The following GNG4 variants were observed in gnomAD, a reference collection of about 807,000 sequenced individuals.
The protein encoded by GNG4 is G protein subunit gamma 4, also known as guanine nucleotide-binding protein G(I)/G(S)/G(O) subunit gamma-4.
GNG4 carries 4 observed loss-of-function variants against 5.8 expected under a neutral mutation model. That is an observed-to-expected ratio of 0.69 (90% CI 0.34 to 1.57). GNG4 has a LOEUF of 1.57. Among genes scored for constraint, GNG4 ranks in the 40% most tolerant of loss-of-function variants. GNG4 has a pLI of 0.06. For missense variants in GNG4, 96 were observed against 95.1 expected (o/e 1.01, Z -0.04); for synonymous variants, 29 against 32.9 (o/e 0.88, Z 0.41).
At chr1:235,626,958 C>CAAAAAAAAAAAAAAAAAAAAA (rs776506587) in intron 1 of GNG4, among the ~76,000 whole-genome samples, 1 of 77,356 alleles carries the variant, frequency 1.3e-5, no homozygotes, top group African/African-American at 5.0e-5. Context: ...GACTCTATCT[C>CAAAAAAAAAAAAAAAAAAAAA]AAAAAAAAAA....
At chr1:235,635,835 T>C (rs1490715119) in intron 1 of GNG4, among the ~76,000 whole-genome samples, 2 of 152,208 alleles carry the variant, frequency 1.3e-5, no homozygotes, top group Non-Finnish European at 2.9e-5. Flanking sequence ...TGCAAATTAA[T>C]CAGCAGGATA....
intron 1 of GNG4, among the ~76,000 whole-genome samples, chr1:235,598,913 G>C (rs1454194061): frequency 6.6e-6 from 1 of 152,098 alleles, no homozygotes; most frequent in African/African-American, 2.4e-5. Flanking sequence ...TTTTAGTAGA[G>C]ATGGGGTTTC....
chr1:235,580,887 A>G (rs945328532), intron 3 of GNG4, among the ~76,000 whole-genome samples: 2 of 151,752 alleles, frequency 1.3e-5, no homozygotes, highest in Admixed American at 6.6e-5. Flanking sequence ...AGTAGCTGGG[A>G]TTACAGGCAC....
At chr1:235,597,951 T>G (rs1046663376) in intron 1 of GNG4, among the ~76,000 whole-genome samples, 2 of 152,064 alleles carry the variant, frequency 1.3e-5, no homozygotes, top group East Asian at 1.9e-4. Flanking sequence ...TAACAGTGCT[T>G]CTTCTACTTT....
intron 2 of GNG4, among the ~76,000 whole-genome samples, chr1:235,593,390 C>G (rs1332450562): frequency 6.6e-6 from 1 of 152,208 alleles, no homozygotes; most frequent in Non-Finnish European, 1.5e-5. Flanking sequence ...CTTAGAATTT[C>G]TGGAAGCCAA....
chr1:235,605,476 G>A (rs1688339650), intron 1 of GNG4, among the ~76,000 whole-genome samples: 1 of 152,000 alleles, frequency 6.6e-6, no homozygotes, highest in African/African-American at 2.4e-5. Flanking sequence ...TGCCTGGCCC[G>A]TGATTCCTGC....
At chr1:235,611,551 A>G (rs553894980) in intron 1 of GNG4, among the ~76,000 whole-genome samples, 3 of 152,286 alleles carry the variant, frequency 2.0e-5, no homozygotes, top group South Asian at 2.1e-4. Flanking sequence ...GGTTGGATGT[A>G]TATCTGTGAC....
rs990584997 is a variant in GNG4 at position 235,649,533 on chromosome 1, ACCACACCGGCGCCAGAGCCGTCT to A, written c.-123+106_-123+128del. On this transcript the variant is annotated intron_variant, in intron 1 of 3. Coordinates refer to ENST00000391854, the MANE Select transcript of GNG4 (RefSeq NM_001098722.2). The surrounding 1 kb of genome is among the most constrained non-coding windows in gnomAD (Gnocchi z 5.7). ...TGCAGCAGCAGCTGGCGGCGTGAGG[ACCACACCGGCGCCAGAGCCGTCT>A]CCCTAGGTCCGGAGACTTTCACCCC... 11 of 151,994 alleles carry A rather than the reference ACCACACCGGCGCCAGAGCCGTCT, an allele frequency of 7.2e-5. No individual in the cohort carries two copies. The highest frequency in any genetic ancestry group is 5.9e-4 in the Admixed American group (9 of 15,270). 9.4% of individuals were successfully genotyped at this position (151,994 alleles called of 1,614,324 possible).
Position 235,552,139 on chromosome 1 carries a change from G to A in GNG4, c.198C>T (p.Arg66=), listed in dbSNP as rs1037180132. Residue 66 remains arginine, a synonymous_variant, in exon 4 of 4, where the codon CGC becomes CGT. Transcript: ENST00000391854. ...GAATGGTACAAAAGAACTTCTTCTC[G>A]CGAAAGGGGTTTTCTGATGCAGGCA... ...IPVPASENPF[R]EKKFFCTIL is the part of the protein sequence containing the mutation. The A allele has an allele frequency of 4.3e-6, 7 of 1,613,776 alleles. No individual in the cohort carries two copies. Among genetic ancestry groups the A allele is most frequent in the East Asian group, 2.2e-5 (1 of 44,890 alleles).
At chr1:235,566,982 C>A (rs1264108848) in intron 3 of GNG4, 1 of 151,988 alleles carries the variant, frequency 6.6e-6, no homozygotes, top group African/African-American at 2.4e-5. Context: ...TGCTCTGTTG[C>A]CCTGGCTGGA....
chr1:235,615,633 G>A, intron 1 of GNG4: 1 of 229,910 alleles, frequency 4.3e-6, no homozygotes, highest in Non-Finnish European at 9.5e-6. Flanking sequence ...TGGTGTCTGG[G>A]GGCTTTTATT....
chr1:235,568,266 C>G (rs1417240740), intron 3 of GNG4, among the ~76,000 whole-genome samples: 1 of 152,026 alleles, frequency 6.6e-6, no homozygotes, highest in Non-Finnish European at 1.5e-5. Flanking sequence ...GGTGACTGAG[C>G]TGTTCCAAGT....
Position 235,581,952 on chromosome 1 carries a change from C to T in GNG4, c.99+1788G>A, listed in dbSNP as rs912665514. On this transcript the variant is annotated intron_variant, in intron 3 of 3. Transcript: ENST00000391854. ...ATTTATCTTCCTTGCCAGAAGAGAA[C>T]GCCTGGGCAAAGGAGAACTGCCTTA... Among the ~76,000 whole-genome samples the T allele has an allele frequency of 3.0e-4, 45 of 152,304 alleles. 1 individual carries two copies. The highest frequency in any genetic ancestry group is 2.6e-4 in the African/African-American group (11 of 41,574).
chr1:235,561,641 T>G (rs1308293955), intron 3 of GNG4, among the ~76,000 whole-genome samples: 4 of 151,702 alleles, frequency 2.6e-5, no homozygotes, highest in Non-Finnish European at 5.9e-5. Flanking sequence ...GTGATCTGCC[T>G]GCCTCAGCCT....
intron 1 of GNG4, among the ~76,000 whole-genome samples, chr1:235,625,887 G>T (rs1479589056): frequency 1.3e-5 from 2 of 152,216 alleles, no homozygotes; most frequent in Non-Finnish European, 2.9e-5. Context: ...GAATAAAGCT[G>T]CTATAAACAT....
At chr1:235,570,011 TTC>T (rs1243977209) in intron 3 of GNG4, among the ~76,000 whole-genome samples, 1 of 152,222 alleles carries the variant, frequency 6.6e-6, no homozygotes, top group Non-Finnish European at 1.5e-5. Context: ...TGTCGATCAT[TTC>T]TCTCACACTC....
At chr1:235,575,488 G>A (rs80006252) in intron 3 of GNG4, among the ~76,000 whole-genome samples, 451 of 152,238 alleles carry the variant, frequency 3.0e-3, no homozygotes, top group African/African-American at 0.01. Flanking sequence ...ATAGAACGCA[G>A]GCCCAACAAT....
At position 235,594,081 on chromosome 1, in the gene GNG4, G is replaced by A. The variant is rs189491339; in HGVS notation, c.-11+1319C>T. On this transcript the variant is annotated intron_variant, in intron 2 of 3. Coordinates refer to ENST00000391854, the MANE Select transcript of GNG4 (RefSeq NM_001098722.2). ...GTTTTGACAGGGTGCTGATTGGTGC[G>A]TTTACAATCCCTGAGCTAGACACAA... Among the ~76,000 whole-genome samples the A allele has an allele frequency of 5.9e-3, 905 of 152,188 alleles. 9 individuals carry two copies. Among genetic ancestry groups the A allele is most frequent in the African/African-American group, 0.02 (847 of 41,526 alleles).
intron 3 of GNG4, among the ~76,000 whole-genome samples, chr1:235,572,505 T>TC (rs1292884379): frequency 1.5e-5 from 1 of 68,902 alleles, no homozygotes; most frequent in African/African-American, 1.1e-4. Flanking sequence ...CTTTTTTTTT[T>TC]TTCTTTTTTT....
Sources: gnomAD v4.1 joint callset for allele counts (sites outside exome capture counted in the v4.1 genomes callset) on GRCh38, gnomAD v4.1.1 for gene constraint, Gnocchi (gnomAD v3.1) non-coding constraint, MANE v1.5 for transcripts, NCBI Gene and HGNC (gene_info 2026-07-23, HGNC 2026-07-21) for gene names.